Variants in MT1M observed in about 807,000 individuals in gnomAD.
MT1M encodes the protein metallothionein 1M.
A neutral mutation model predicts 8.5 loss-of-function variants in MT1M; 11 were observed. The observed-to-expected ratio is 1.29, with a 90% CI of 0.81 to 2.14. The LOEUF (loss-of-function observed/expected upper bound fraction) is 2.14, where lower values mean the gene tolerates loss of function less well. Among genes scored for constraint, MT1M ranks in the 30% most tolerant of loss-of-function variants. MT1M has a pLI of 0.00. For missense variants in MT1M, 84 were observed against 76.6 expected (o/e 1.10, Z -0.36); for synonymous variants, 28 against 30.0 (o/e 0.93, Z 0.22).
intron 1 of MT1M, among the ~76,000 whole-genome samples, chr16:56,632,997 G>A (rs775994403): frequency 2.0e-5 from 3 of 152,210 alleles, no homozygotes; most frequent in Non-Finnish European, 2.9e-5. Context: ...AGTTGGTTAG[G>A]GTCCTGCTGG....
rs202049373 is a variant in MT1M, at chr16:56,633,814, C to A, written c.158C>A (p.Thr53Lys). 1 of 1,614,070 alleles carries A rather than the reference C, an allele frequency of 6.2e-7. No homozygotes were observed. Among genetic ancestry groups the A allele is most frequent in the Non-Finnish European group, 8.5e-7 (1 of 1,180,050 alleles). Residue 53 changes from threonine (T) to lysine (K), a missense_variant, in exon 3 of 3, where the codon ACG becomes AAG. By Grantham distance (78) the Thr-to-Lys change is moderately conservative. Coordinates refer to ENST00000379818, the MANE Select transcript of MT1M (RefSeq NM_176870.3). ...GCCCACGGCTGTGTCTGCAAAGGGA[C>A]GTTGGAGAACTGCAGCTGCTGTGCC... ...KCAHGCVCKGTLENCSCCA is the reference protein window; with the variant it reads ...KCAHGCVCKGKLENCSCCA
rs755277666 is a variant in MT1M at position 56,632,721 on chromosome 16, C to A, written c.-11C>A. 37 of 1,613,382 alleles carry A rather than the reference C, an allele frequency of 2.3e-5. No individual in the cohort carries two copies. The highest frequency in any genetic ancestry group is 2.2e-5 in the Non-Finnish European group (26 of 1,180,024). ...TATCGCTTGAGATCTCCAGCCTTAC[C>A]GCGGCTCGAAATGGACCCCAACTGC... On this transcript the variant is annotated 5_prime_UTR_variant, in exon 1 of 3. Coordinates refer to ENST00000379818, the MANE Select transcript of MT1M (RefSeq NM_176870.3).
chr16:56,633,289 G>A lies in MT1M; in HGVS notation c.29-51G>A. The A allele has an allele frequency of 5.0e-6, 8 of 1,613,564 alleles. No individual in the cohort carries two copies. In the South Asian group the frequency reaches 5.5e-5, roughly 11 times the overall value. ...ACTGGAGACTCATTGACCCATTGCT[G>A]TACCTTCTTCATCTCACTCACTGCC... On this transcript the variant is annotated intron_variant, in intron 1 of 2. Transcript: ENST00000379818.
rs549265043 is a variant in MT1M at position 56,633,932 on chromosome 16, T to A, written c.*90T>A. The A allele has an allele frequency of 1.9e-4, 260 of 1,362,734 alleles. No homozygotes were observed. In the African/African-American group the frequency reaches 3.1e-3, roughly 16 times the overall value. The allele number at this position is 1,362,734 out of a possible 1,614,324, so 84.4% of individuals were successfully genotyped here. On this transcript the variant is annotated 3_prime_UTR_variant, in exon 3 of 3. Transcript: ENST00000379818. ...TACGATACTGAGCCATTTGCTGCAT[T>A]TCTTTTTATATTAAATATGTGAGTG...
intron 1 of MT1M, among the ~76,000 whole-genome samples, chr16:56,632,972 C>G (rs1170967218): frequency 6.6e-6 from 1 of 152,172 alleles, no homozygotes; most frequent in Non-Finnish European, 1.5e-5. Context: ...AAGGCAGTCC[C>G]GCTCCACATC....
chr16:56,632,766 G>T lies in MT1M; in HGVS notation c.28+7G>T, dbSNP rs760861296. Reference sequence around the variant, plus strand: ...AACTGCTCCTGCACCACTGGTAAGAGAAGCCGACCCTGCGCCCTAGGAATC... The same window carrying T: ...AACTGCTCCTGCACCACTGGTAAGATAAGCCGACCCTGCGCCCTAGGAATC... On this transcript the variant is annotated splice_region_variant and intron_variant, in intron 1 of 2. Transcript: ENST00000379818. 1.2e-6 allele frequency: 2 copies of T among 1,613,996 alleles called. No homozygotes were observed. The highest frequency in any genetic ancestry group is 2.2e-5 in the South Asian group (2 of 91,072).
Position 56,633,768 on chromosome 16 carries a change from C to G in MT1M, c.112C>G (p.Pro38Ala). ...TTCCCCAGGCTGCTGCTCCTGCTGCCCCGTGGGCTGTGCCAAGTGTGCCCA... is the reference window on the plus strand; with the variant it reads ...TTCCCCAGGCTGCTGCTCCTGCTGCGCCGTGGGCTGTGCCAAGTGTGCCCA... ...SCKKSCCSCC[P>A]VGCAKCAHGC... is the part of the protein sequence containing the mutation. The change falls in exon 3 of 3, where the codon CCC (proline) becomes GCC (alanine). Residue 38 changes from proline (P) to alanine (A), a missense_variant. Transcript: ENST00000379818. The G allele has an allele frequency of 6.2e-7, 1 of 1,614,188 alleles. No homozygotes were observed. The highest frequency in any genetic ancestry group is 1.1e-5 in the South Asian group (1 of 91,082).
rs748185160 is a variant in MT1M, at chr16:56,633,801, G to A, written c.145G>A (p.Val49Ile). ...CTGTGCCAAGTGTGCCCACGGCTGT[G>A]TCTGCAAAGGGACGTTGGAGAACTG... ...VGCAKCAHGC[V>I]CKGTLENCSC... Residue 49 changes from valine to isoleucine, a missense_variant, in exon 3 of 3, where the codon GTC becomes ATC. Transcript: ENST00000379818. 6.2e-6 allele frequency: 10 copies of A among 1,614,192 alleles called. No individual in the cohort carries two copies. The East Asian group carries it at 8.9e-5, about 14-fold the overall frequency.
Position 56,633,816 on chromosome 16 carries a change from T to C in MT1M, c.160T>C (p.Leu54=). Residue 54 remains leucine (L), a synonymous_variant, in exon 3 of 3, where the codon TTG becomes CTG. Coordinates refer to ENST00000379818, the MANE Select transcript of MT1M (RefSeq NM_176870.3). ...CCACGGCTGTGTCTGCAAAGGGACGTTGGAGAACTGCAGCTGCTGTGCCTG... is the reference window on the plus strand; with the variant it reads ...CCACGGCTGTGTCTGCAAAGGGACGCTGGAGAACTGCAGCTGCTGTGCCTG... ...CAHGCVCKGT[L]ENCSCCA 1 of 1,614,214 alleles carries C rather than the reference T, an allele frequency of 6.2e-7. No homozygotes were observed. Among genetic ancestry groups the C allele is most frequent in the Non-Finnish European group, 8.5e-7 (1 of 1,180,052 alleles).
At chr16:56,632,839 CATTTAA>C in intron 1 of MT1M, 80 bp downstream of exon 1, 2 of 1,557,760 alleles carry the variant, frequency 1.3e-6, no homozygotes, top group Non-Finnish European at 1.8e-6. Context: ...GAGGAGGTCG[CATTTAA>C]GTTCTGAGCG....
Position 56,632,700 on chromosome 16 carries a change from G to T in MT1M, c.-32G>T. 1 of 1,612,918 alleles carries T rather than the reference G, an allele frequency of 6.2e-7. No individual in the cohort carries two copies. The highest frequency in any genetic ancestry group is 8.5e-7 in the Non-Finnish European group (1 of 1,179,964). ...GGGCCTAGCAGTCGCTCCATTTATC[G>T]CTTGAGATCTCCAGCCTTACCGCGG... On this transcript the variant is annotated 5_prime_UTR_variant, in exon 1 of 3. Transcript: ENST00000379818.
intron 1 of MT1M, 109 bp from the exon 2 acceptor site, chr16:56,633,231 C>G: frequency 6.6e-7 from 1 of 1,514,318 alleles, no homozygotes; most frequent in Non-Finnish European, 9.1e-7. Context: ...GGGAAAGGAG[C>G]TCTGAGGGCT....
At position 56,632,760 on chromosome 16, in the gene MT1M, G is replaced by A. The variant is rs761883386; in HGVS notation, c.28+1G>A. On this transcript the variant is annotated splice_donor_variant, in intron 1 of 2. Transcript: ENST00000379818. LOFTEE classifies it high-confidence loss of function. ...GACCCCAACTGCTCCTGCACCACTG[G>A]TAAGAGAAGCCGACCCTGCGCCCTA... 1.9e-6 allele frequency: 3 copies of A among 1,613,954 alleles called. No individual in the cohort carries two copies. Among genetic ancestry groups the A allele is most frequent in the Non-Finnish European group, 2.5e-6 (3 of 1,180,042 alleles).
rs2270836 is a variant in MT1M at position 56,633,702 on chromosome 16, C to A, written c.95-49C>A. ...AGCCAGGCTTGCTATTGGGGCAGGG[C>A]GGTGCCCGGTCAAGTCTACTGCTAC... On this transcript the variant is annotated intron_variant, in intron 2 of 2. Coordinates refer to ENST00000379818, the MANE Select transcript of MT1M (RefSeq NM_176870.3). 34 of 1,609,974 alleles carry A rather than the reference C, an allele frequency of 2.1e-5. No individual in the cohort carries two copies. In the African/African-American group the frequency reaches 3.2e-4, roughly 15 times the overall value.
At position 56,632,743 on chromosome 16, in the gene MT1M, C is replaced by G; in HGVS notation, c.12C>G (p.Asn4Lys). Residue 4 changes from asparagine (N) to lysine (K), a missense_variant, in exon 1 of 3, where the codon AAC becomes AAG. Physicochemically the swap from Asn to Lys is moderately conservative, Grantham distance 94. Transcript: ENST00000379818. MDP[N>K]CSCTTGVSCA... is the part of the protein sequence containing the mutation. ...TACCGCGGCTCGAAATGGACCCCAA[C>G]TGCTCCTGCACCACTGGTAAGAGAA... is the stretch of plus-strand genomic sequence containing the variant. 4 of 1,613,878 alleles carry G rather than the reference C, an allele frequency of 2.5e-6. No individual in the cohort carries two copies. Among genetic ancestry groups the G allele is most frequent in the Non-Finnish European group, 2.5e-6 (3 of 1,180,044 alleles).
At chr16:56,633,567 A>G (rs1462874870) in intron 2 of MT1M, 162 bp downstream of exon 2, 1 of 1,593,122 alleles carries the variant, frequency 6.3e-7, no homozygotes. Context: ...CAGATGGGGC[A>G]GGACAGCATT....
chr16:56,633,848 G>A lies in MT1M; in HGVS notation c.*6G>A. 1 of 1,614,132 alleles carries A rather than the reference G, an allele frequency of 6.2e-7. No individual in the cohort carries two copies. The highest frequency in any genetic ancestry group is 8.5e-7 in the Non-Finnish European group (1 of 1,179,990). On this transcript the variant is annotated 3_prime_UTR_variant, in exon 3 of 3. Transcript: ENST00000379818. ...ACTGCAGCTGCTGTGCCTGATGTGG[G>A]AACAGCTCTTCTCCCAGATGTTAAT...
chr16:56,633,638 G>A, intron 2 of MT1M, 113 bp from the exon 3 acceptor site: 1 of 1,600,840 alleles, frequency 6.2e-7, no homozygotes, highest in Non-Finnish European at 8.6e-7. Context: ...AGCTGTGCCA[G>A]ACGTAAAAAG....
intron 2 of MT1M, 97 bp from the exon 3 acceptor site, chr16:56,633,654 T>C: frequency 6.2e-7 from 1 of 1,601,144 alleles, no homozygotes; most frequent in Non-Finnish European, 8.6e-7. Flanking sequence ...AAAAGCTTCC[T>C]CTGGGTCTGG....
Sources: allele counts gnomAD v4.1 joint callset (sites outside exome capture counted in the v4.1 genomes callset), GRCh38; gene constraint gnomAD v4.1.1; transcripts MANE v1.5; gene names NCBI Gene and HGNC (gene_info 2026-07-23, HGNC 2026-07-21).